Variants in FGF13 observed in about 807,000 individuals in gnomAD.
FGF13 encodes fibroblast growth factor homologous factor 2.
In FGF13, 2 loss-of-function variants were observed where a neutral mutation model predicts 19.5. That is an observed-to-expected ratio of 0.10 (90% CI 0.04 to 0.32). FGF13 has a LOEUF of 0.32. FGF13 is among the 10% of genes least tolerant of loss of function. The pLI, the probability that FGF13 is intolerant of heterozygous loss-of-function variation, is 1.00. For synonymous variants in FGF13, 72 were observed against 76.9 expected (o/e 0.94, Z 0.33); for missense variants, 113 against 192.7 (o/e 0.59, Z 2.45).
In FGF13 at chrX:138,625,481, T is replaced by TAAA. The variant is rs1272119181; in HGVS notation, c.*7368_*7369insTTT. On this transcript the variant is annotated 3_prime_UTR_variant, in exon 5 of 5. Transcript: ENST00000315930. ...AATTATATATATATACATATATATA[T>TAAA]ATAATATATATATATACATATATAT... is the stretch of plus-strand genomic sequence containing the variant. 4.4e-5 allele frequency: 4 copies of TAAA among 91,427 alleles called. No individual in the cohort carries two copies. Among genetic ancestry groups the TAAA allele is most frequent in the African/African-American group, 1.9e-4 (4 of 20,836 alleles). 7.5% of individuals were successfully genotyped at this position (91,427 alleles called of 1,213,427 possible).
chrX:138,926,218 T>C (rs1218368160), intron 1 of FGF13, among the ~76,000 whole-genome samples: 12 of 111,860 alleles, frequency 1.1e-4, no homozygotes, highest in Non-Finnish European at 1.5e-4. Context: ...TCCTCTTTAA[T>C]GTTGCCTGCC....
chrX:139,054,213 C>G (rs2092312854), intron 1 of FGF13, among the ~76,000 whole-genome samples: 2 of 104,609 alleles, frequency 1.9e-5, no homozygotes, highest in Admixed American at 2.1e-4. Context: ...AACTCCGCCT[C>G]CCGGGTTCAC....
chrX:138,995,534 T>A (rs2092038413), intron 1 of FGF13, among the ~76,000 whole-genome samples: 1 of 112,023 alleles, frequency 8.9e-6, no homozygotes, highest in Non-Finnish European at 1.9e-5. Flanking sequence ...ACCATTTAGT[T>A]CCCACAAACA....
intron 1 of FGF13, among the ~76,000 whole-genome samples, chrX:138,866,882 C>A (rs751976141): frequency 1.8e-5 from 2 of 111,883 alleles, no homozygotes; most frequent in East Asian, 5.6e-4. Context: ...TGGGTCAATT[C>A]TCTTCTCTTC....
At chrX:138,679,428 C>A (rs1040941422) in intron 3 of FGF13, among the ~76,000 whole-genome samples, 2 of 111,083 alleles carry the variant, frequency 1.8e-5, no homozygotes, top group Non-Finnish European at 3.8e-5. Flanking sequence ...TTCCCAAGAG[C>A]ACACAGCTTG....
intron 1 of FGF13, among the ~76,000 whole-genome samples, chrX:138,944,707 A>G (rs776687954): frequency 9.0e-5 from 10 of 111,091 alleles, no homozygotes; most frequent in Admixed American, 1.9e-4. Context: ...TGAGCAGCCA[A>G]TAGATCATAG....
At chrX:139,028,311 T>C (rs1003363925) in intron 1 of FGF13, among the ~76,000 whole-genome samples, 9 of 111,705 alleles carry the variant, frequency 8.1e-5, no homozygotes, top group Middle Eastern at 4.2e-3. Context: ...CTACCTTGGA[T>C]TTGATGGGAA....
intron 3 of FGF13, among the ~76,000 whole-genome samples, chrX:138,638,614 T>A (rs756738439): frequency 1.8e-5 from 2 of 112,063 alleles, no homozygotes; most frequent in South Asian, 7.4e-4. Context: ...AAATGACACG[T>A]TAGCACATGG....
At chrX:139,033,590 C>A (rs1490935060) in intron 1 of FGF13, among the ~76,000 whole-genome samples, 1 of 111,913 alleles carries the variant, frequency 8.9e-6, no homozygotes, top group African/African-American at 3.2e-5. Context: ...TTTCAATATA[C>A]TACAGGGTCT....
At chrX:139,073,103 G>T (rs1603183049) in intron 1 of FGF13, among the ~76,000 whole-genome samples, 1 of 102,935 alleles carries the variant, frequency 9.7e-6, no homozygotes, top group Non-Finnish European at 2.0e-5. Flanking sequence ...TCATTGTATT[G>T]TTTTATTTTT....
Position 139,031,944 on chromosome X carries a change from A to G in FGF13, c.-112-167294T>C, listed in dbSNP as rs373474100. Among the ~76,000 whole-genome samples the G allele has an allele frequency of 3.6e-5, 4 of 110,943 alleles. No homozygotes were observed. The East Asian group carries it at 8.5e-4, about 24-fold the overall frequency. On this transcript the variant is annotated intron_variant, in intron 1 of 2. Coordinates refer to the FGF13 transcript ENST00000421460. ...GCTCCAAAAACTTTAACAGCAGCCA[A>G]TCCATAAGACAGAGTTATGCCCAAT...
At chrX:139,065,734 A>G (rs2092354018) in intron 1 of FGF13, among the ~76,000 whole-genome samples, 1 of 110,811 alleles carries the variant, frequency 9.0e-6, no homozygotes, top group Admixed American at 9.7e-5. Flanking sequence ...GGGGGACTTT[A>G]ACACCCGACT....
intron 1 of FGF13, among the ~76,000 whole-genome samples, chrX:138,921,872 A>T (rs112247300): frequency 1.9e-4 from 21 of 107,795 alleles, no homozygotes; most frequent in African/African-American, 6.8e-4. Flanking sequence ...ATGAGGTAGA[A>T]CCCATGCTTC....
intron 3 of FGF13, among the ~76,000 whole-genome samples, chrX:138,771,689 A>G (rs1287032545): frequency 9.1e-6 from 1 of 110,488 alleles, no homozygotes; most frequent in African/African-American, 3.3e-5. Flanking sequence ...TGCAAGATAG[A>G]GTATACAAGG....
chrX:139,057,063 C>A (rs1035212027), intron 1 of FGF13, among the ~76,000 whole-genome samples: 3 of 111,587 alleles, frequency 2.7e-5, no homozygotes, highest in African/African-American at 6.5e-5. Context: ...CTTCAACTGT[C>A]TCATCTATAA....
intron 1 of FGF13, among the ~76,000 whole-genome samples, chrX:139,143,292 C>G (rs2148241240): frequency 8.9e-6 from 1 of 111,833 alleles, no homozygotes; most frequent in African/African-American, 3.3e-5. Context: ...TGGTAATAGT[C>G]CTAGTAGTCT....
chrX:138,938,556 C>T (rs183135818), intron 1 of FGF13, among the ~76,000 whole-genome samples: 128 of 110,973 alleles, frequency 1.2e-3, no homozygotes, highest in African/African-American at 4.1e-3. Context: ...GATTCTGCCG[C>T]CCCAAAGAAC....
chrX:138,879,890 G>A (rs1167417234), intron 1 of FGF13, among the ~76,000 whole-genome samples: 1 of 111,669 alleles, frequency 9.0e-6, no homozygotes, highest in Admixed American at 9.5e-5. Flanking sequence ...AGAGTGAACA[G>A]GCAACCTACG....
chrX:138,725,418 A>C (rs1173194765), intron 1 of FGF13, among the ~76,000 whole-genome samples: 1 of 111,455 alleles, frequency 9.0e-6, no homozygotes, highest in Non-Finnish European at 1.9e-5. Flanking sequence ...AGACTACTGA[A>C]GGCCATGATA....
Sources: allele counts gnomAD v4.1 joint callset (sites outside exome capture counted in the v4.1 genomes callset), GRCh38; gene constraint gnomAD v4.1.1; transcripts MANE v1.5; gene names NCBI Gene and HGNC (gene_info 2026-07-23, HGNC 2026-07-21).